The following NAALADL2 variants were observed in gnomAD, a reference collection of about 807,000 sequenced individuals.
The protein encoded by NAALADL2 is inactive N-acetylated-alpha-linked acidic dipeptidase-like protein 2.
A neutral mutation model predicts 87.2 loss-of-function variants in NAALADL2; 76 were observed. The ratio of observed to expected loss-of-function variants is 0.87; its 90% CI spans 0.72 to 1.05. NAALADL2 has a LOEUF of 1.05. Ranked by LOEUF, NAALADL2 falls within the 50% of genes least tolerant of loss-of-function variation. The pLI is 0.00. For synonymous variants in NAALADL2, 354 were observed against 331.0 expected (o/e 1.07, Z -0.75); for missense variants, 1,089 against 945.8 (o/e 1.15, Z -1.99).
chr3:174,666,177 C>G (rs115078765), intron 2 of NAALADL2, among the ~76,000 whole-genome samples: 1 of 152,058 alleles, frequency 6.6e-6, no homozygotes, highest in African/African-American at 2.4e-5. Context: ...ACCATAGAAG[C>G]ATAAAATAGC....
intron 4 of NAALADL2, among the ~76,000 whole-genome samples, chr3:175,294,569 A>G (rs1756067124): frequency 6.6e-6 from 1 of 152,198 alleles, no homozygotes; most frequent in Non-Finnish European, 1.5e-5. Flanking sequence ...AAGTTTTGCA[A>G]CTTGCCCAAG....
chr3:175,195,649 A>G (rs1274939389), intron 2 of NAALADL2, among the ~76,000 whole-genome samples: 1 of 151,920 alleles, frequency 6.6e-6, no homozygotes, highest in Non-Finnish European at 1.5e-5. Flanking sequence ...CAGATCGTAT[A>G]TGCATTTTGA....
intron 3 of NAALADL2, among the ~76,000 whole-genome samples, chr3:174,764,599 ACT>A (rs1447381458): frequency 6.6e-6 from 1 of 152,224 alleles, no homozygotes; most frequent in African/African-American, 2.4e-5. Context: ...ACAGAGCGAC[ACT>A]CTGTCTCAAA....
chr3:175,074,652 A>G (rs1204511614), intron 1 of NAALADL2, among the ~76,000 whole-genome samples: 3 of 152,210 alleles, frequency 2.0e-5, no homozygotes, highest in East Asian at 1.9e-4. Flanking sequence ...TACTATAGGT[A>G]TATTAAAAAT....
intron 2 of NAALADL2, among the ~76,000 whole-genome samples, chr3:174,716,641 T>TA (rs551378400): frequency 2.4e-3 from 361 of 148,976 alleles, no homozygotes; most frequent in Non-Finnish European, 1.1e-3. Context: ...AGGCTAAGAT[T>TA]AAAAAAAAAA....
chr3:174,888,998 G>A (rs1307178323), intron 1 of NAALADL2, among the ~76,000 whole-genome samples: 12 of 152,100 alleles, frequency 7.9e-5, no homozygotes, highest in Non-Finnish European at 1.3e-4. Context: ...ACAACTTTTG[G>A]AGAAGGCAGT....
chr3:175,620,719 G>A (rs1311220040), intron 10 of NAALADL2, among the ~76,000 whole-genome samples: 4 of 152,192 alleles, frequency 2.6e-5, no homozygotes, highest in East Asian at 3.9e-4. Context: ...CACCTGGAAC[G>A]GGTACATGTT....
At chr3:174,758,371 C>T (rs1421840181) in intron 3 of NAALADL2, among the ~76,000 whole-genome samples, 2 of 152,186 alleles carry the variant, frequency 1.3e-5, no homozygotes, top group East Asian at 3.8e-4. Flanking sequence ...AATGAAATAA[C>T]ATATACAACT....
intron 3 of NAALADL2, among the ~76,000 whole-genome samples, chr3:174,763,448 G>A (rs1046036100): frequency 2.6e-5 from 4 of 151,562 alleles, no homozygotes; most frequent in East Asian, 1.9e-4. Flanking sequence ...TTAGCTGGGC[G>A]TGGTGGTGCA....
intron 2 of NAALADL2, among the ~76,000 whole-genome samples, chr3:175,157,266 G>A (rs1005922827): frequency 6.6e-6 from 1 of 152,068 alleles, no homozygotes; most frequent in Non-Finnish European, 1.5e-5. Flanking sequence ...AGCATGAACT[G>A]CAGAAGGCAG....
At chr3:175,730,128 C>T (rs957369442) in intron 11 of NAALADL2, among the ~76,000 whole-genome samples, 22 of 151,698 alleles carry the variant, frequency 1.5e-4, no homozygotes, top group African/African-American at 4.8e-4. Context: ...ATGACAAATT[C>T]GTTAAAAGCA....
chr3:174,787,592 T>TATATATATAC (rs1553855379), intron 3 of NAALADL2, among the ~76,000 whole-genome samples: 7 of 66,620 alleles, frequency 1.1e-4, no homozygotes, highest in East Asian at 5.2e-4. Flanking sequence ...TATATATATA[T>TATATATATAC]ATATATATAT....
chr3:175,463,875 C>A (rs1345515249), intron 7 of NAALADL2, among the ~76,000 whole-genome samples: 2 of 152,110 alleles, frequency 1.3e-5, no homozygotes, highest in African/African-American at 4.8e-5. Context: ...ATCAAGAAGA[C>A]ATTTTAAAGA....
intron 9 of NAALADL2, among the ~76,000 whole-genome samples, chr3:175,531,878 T>C (rs1316089756): frequency 2.0e-5 from 3 of 152,242 alleles, no homozygotes; most frequent in African/African-American, 7.2e-5. Flanking sequence ...AATGGGGCTG[T>C]GGTGGGAATC....
At chr3:174,625,057 C>CTTTTT (rs1553802468) in intron 2 of NAALADL2, among the ~76,000 whole-genome samples, 69 of 78,844 alleles carry the variant, frequency 8.8e-4, no homozygotes, top group African/African-American at 3.3e-3. Flanking sequence ...CTCTCTCTCT[C>CTTTTT]TTTTTTTTTT....
Position 175,302,132 on chromosome 3 carries a change from G to A in NAALADL2, c.940-22043G>A, listed in dbSNP as rs979948208. Among the ~76,000 whole-genome samples the A allele has an allele frequency of 2.6e-5, 4 of 152,132 alleles. No individual in the cohort carries two copies. The East Asian group carries it at 5.8e-4, about 22-fold the overall frequency. On this transcript the variant is annotated intron_variant, in intron 4 of 13. Transcript: ENST00000454872. ...ATTATTTAAGTACTCTGAGTTATCCGATCTATAATTCTCTATTAAGAGTCT... is the reference window on the plus strand; with the variant it reads ...ATTATTTAAGTACTCTGAGTTATCCAATCTATAATTCTCTATTAAGAGTCT...
intron 1 of NAALADL2, among the ~76,000 whole-genome samples, chr3:175,013,417 G>A (rs770785483): frequency 2.1e-5 from 3 of 146,150 alleles, no homozygotes; most frequent in Non-Finnish European, 4.5e-5. Flanking sequence ...TTATGCCTAA[G>A]CCTCTCAGGT....
rs576418103 is a variant in NAALADL2, at chr3:175,308,150, A to G, written c.940-16025A>G. 2.6e-5 allele frequency among the ~76,000 whole-genome samples: 4 copies of G among 152,262 alleles called. No homozygotes were observed. In the South Asian group the frequency reaches 8.3e-4, roughly 32 times the overall value. ...AACCATTTTTTTTATGAAAGAAGAGAGACATAATTTCCATTGTGATAAACC... is the reference window on the plus strand; with the variant it reads ...AACCATTTTTTTTATGAAAGAAGAGGGACATAATTTCCATTGTGATAAACC... On this transcript the variant is annotated intron_variant, in intron 4 of 13. Transcript: ENST00000454872.
rs201598977 is a variant in NAALADL2 at position 175,097,216 on chromosome 3, C to T, written c.470C>T (p.Ser157Leu). The T allele has an allele frequency of 1.9e-6, 3 of 1,612,780 alleles. No individual in the cohort carries two copies. Among genetic ancestry groups the T allele is most frequent in the East Asian group, 2.2e-5 (1 of 44,866 alleles). ...AATTGCCCTTCAGATGCTCCATCTT[C>T]AGGAACAGTTGATCCTCAGTTATAT... is the stretch of plus-strand genomic sequence containing the variant. Reference protein sequence around the residue: ...HTNCPSDAPSSGTVDPQLYQE... With the variant: ...HTNCPSDAPSLGTVDPQLYQE... Residue 157 changes from serine (S) to leucine (L), a missense_variant, in exon 2 of 14, where the codon TCA becomes TTA. Coordinates refer to ENST00000454872, the MANE Select transcript of NAALADL2 (RefSeq NM_207015.3).
Sources: gnomAD v4.1 joint callset for allele counts (sites outside exome capture counted in the v4.1 genomes callset) on GRCh38, gnomAD v4.1.1 for gene constraint, MANE v1.5 for transcripts, NCBI Gene and HGNC (gene_info 2026-07-23, HGNC 2026-07-21) for gene names.